Variants in VIT observed in about 807,000 individuals in gnomAD.
The protein encoded by VIT is vitrin.
Under a neutral mutation model 78.0 loss-of-function variants are expected in VIT, and 99 were observed. That is an observed-to-expected ratio of 1.27 (90% CI 1.08 to 1.50). The LOEUF is 1.50. VIT is among the 40% of genes most tolerant of loss of function. The probability of loss-of-function intolerance (pLI) is 0.00; values close to 1 mark genes in which losing one functional copy is unlikely to be tolerated. For missense variants in VIT, 1,126 were observed against 875.3 expected (o/e 1.29, Z -3.61); for synonymous variants, 374 against 334.3 (o/e 1.12, Z -1.29).
chr2:36,813,053 A>T (rs1477440100), intron 15 of VIT, among the ~76,000 whole-genome samples: 2 of 149,974 alleles, frequency 1.3e-5, no homozygotes, highest in Admixed American at 1.3e-4. Context: ...AAAAAAAAAA[A>T]AAATAGGATT....
chr2:36,794,092 A>G (rs1412289532), intron 12 of VIT, among the ~76,000 whole-genome samples: 1 of 152,200 alleles, frequency 6.6e-6, no homozygotes, highest in East Asian at 1.9e-4. Context: ...CCTTCCTAGG[A>G]ATCAAACACC....
chr2:36,762,036 A>T (rs12052952), intron 6 of VIT, among the ~76,000 whole-genome samples: 72,435 of 152,096 alleles, frequency 0.48, 18,725 homozygotes, highest in East Asian at 0.65. Context: ...GTTGCAGGGA[A>T]AAGAGTGTAG....
intron 2 of VIT, among the ~76,000 whole-genome samples, chr2:36,726,591 G>A (rs1348413793): frequency 6.6e-6 from 1 of 152,090 alleles, no homozygotes; most frequent in African/African-American, 2.4e-5. Flanking sequence ...GCCGAGGCAG[G>A]TGGATCACCT....
At chr2:36,748,539 C>T (rs1668273185) in intron 4 of VIT, among the ~76,000 whole-genome samples, 2 of 152,182 alleles carry the variant, frequency 1.3e-5, no homozygotes, top group Admixed American at 6.5e-5. Context: ...GTTAATGCTT[C>T]CAAATGTATT....
chr2:36,736,462 T>C (rs1274060143), intron 3 of VIT, among the ~76,000 whole-genome samples: 1 of 152,194 alleles, frequency 6.6e-6, no homozygotes, highest in Non-Finnish European at 1.5e-5. Context: ...GTGTCCGTGC[T>C]AGAGGGAGAA....
intron 11 of VIT, among the ~76,000 whole-genome samples, chr2:36,786,347 G>A (rs192531518): frequency 4.6e-5 from 7 of 152,202 alleles, no homozygotes; most frequent in African/African-American, 1.2e-4. Flanking sequence ...CCTGTCTACC[G>A]CAAAGGAAAC....
intron 3 of VIT, among the ~76,000 whole-genome samples, chr2:36,739,881 C>T (rs1667734873): frequency 6.6e-6 from 1 of 152,152 alleles, no homozygotes; most frequent in African/African-American, 2.4e-5. Flanking sequence ...CGGACGCTAG[C>T]AACTGTCCAG....
chr2:36,725,669 T>G (rs796595832), intron 2 of VIT, among the ~76,000 whole-genome samples: 7 of 152,242 alleles, frequency 4.6e-5, no homozygotes, highest in African/African-American at 1.7e-4. Flanking sequence ...AAATAAAAAG[T>G]TTTTTTAAAC....
At chr2:36,729,668 G>C (rs1220207222) in intron 3 of VIT, among the ~76,000 whole-genome samples, 177 bp downstream of exon 3, 1 of 152,140 alleles carries the variant, frequency 6.6e-6, no homozygotes, top group Non-Finnish European at 1.5e-5. Flanking sequence ...AAAAGTATTT[G>C]AGATAGGAGC....
At chr2:36,801,267 C>T in intron 12 of VIT, 34 bp from the exon 13 acceptor site, 1 of 1,543,230 alleles carries the variant, frequency 6.5e-7, no homozygotes, top group Middle Eastern at 1.7e-4. Flanking sequence ...ATTAACTTTG[C>T]AGCTAATTTG....
At chr2:36,737,989 T>C (rs1667610260) in intron 3 of VIT, among the ~76,000 whole-genome samples, 1 of 152,234 alleles carries the variant, frequency 6.6e-6, no homozygotes. Flanking sequence ...GAGTAGACTC[T>C]ACCCTGGCAA....
chr2:36,710,236 A>C (rs1665717782), intron 1 of VIT, among the ~76,000 whole-genome samples: 1 of 152,106 alleles, frequency 6.6e-6, no homozygotes, highest in Non-Finnish European at 1.5e-5. Flanking sequence ...GTATTTTATT[A>C]ATATTGGATT....
intron 3 of VIT, among the ~76,000 whole-genome samples, chr2:36,734,814 G>A (rs1425453862): frequency 6.6e-6 from 1 of 152,084 alleles, no homozygotes; most frequent in Non-Finnish European, 1.5e-5. Flanking sequence ...CCCCATGGAT[G>A]TTACTTAGCA....
chr2:36,784,016 G>T (rs1664933020), intron 11 of VIT, among the ~76,000 whole-genome samples: 1 of 152,160 alleles, frequency 6.6e-6, no homozygotes, highest in South Asian at 2.1e-4. Context: ...ATGAGCTATG[G>T]TTCGAAACCG....
chr2:36,731,872 C>A (rs1161502221), intron 3 of VIT, among the ~76,000 whole-genome samples: 3 of 152,210 alleles, frequency 2.0e-5, no homozygotes, highest in Admixed American at 6.5e-5. Flanking sequence ...TTGAAATCAG[C>A]CACATTAATC....
chr2:36,801,644 C>G (rs1162026150), intron 13 of VIT, among the ~76,000 whole-genome samples: 1 of 151,974 alleles, frequency 6.6e-6, no homozygotes, highest in South Asian at 2.1e-4. Context: ...CCTCTTTCTA[C>G]TAAAAATACA....
intron 15 of VIT, among the ~76,000 whole-genome samples, chr2:36,811,520 G>C (rs958291814): frequency 1.3e-5 from 2 of 152,164 alleles, no homozygotes; most frequent in African/African-American, 4.8e-5. Flanking sequence ...ACTGAGATTT[G>C]TCTGCAAATG....
At chr2:36,737,003 T>C (rs10490663) in intron 3 of VIT, among the ~76,000 whole-genome samples, 1 of 152,036 alleles carries the variant, frequency 6.6e-6, no homozygotes, top group African/African-American at 2.4e-5. Context: ...ACCATGAAGA[T>C]CCAATTAGTG....
chr2:36,740,440 A>T (rs953015253), intron 3 of VIT, among the ~76,000 whole-genome samples: 2 of 152,218 alleles, frequency 1.3e-5, no homozygotes, highest in African/African-American at 2.4e-5. Flanking sequence ...CATAGACATT[A>T]CACTTTTTAA....
Sources: gnomAD v4.1 joint callset for allele counts (sites outside exome capture counted in the v4.1 genomes callset) on GRCh38, gnomAD v4.1.1 for gene constraint, MANE v1.5 for transcripts, NCBI Gene and HGNC (gene_info 2026-07-23, HGNC 2026-07-21) for gene names.